Variants in ANK3 observed in about 807,000 individuals in gnomAD.
The protein encoded by ANK3 is ankyrin-3.
Under a neutral mutation model 370.9 loss-of-function variants are expected in ANK3, and 57 were observed. The observed-to-expected ratio is 0.15, with a 90% confidence interval of 0.12 to 0.19. The LOEUF (loss-of-function observed/expected upper bound fraction) is 0.19, where lower values mean the gene tolerates loss of function less well. Ranked by LOEUF, ANK3 falls within the 10% of genes least tolerant of loss-of-function variation. ANK3 has a pLI of 1.00. For missense variants in ANK3, 4,439 were observed against 5,302.1 expected, an observed-to-expected ratio of 0.84 and a Z score of 5.06; for synonymous variants, 1,929 against 1,946.3, an observed-to-expected ratio of 0.99 and a Z score of 0.23.
intron 7 of ANK3, among the ~76,000 whole-genome samples, chr10:60,244,517 G>A (rs1458761877): frequency 6.6e-6 from 1 of 152,142 alleles, no homozygotes; most frequent in African/African-American, 2.4e-5. Context: ...TTGTCACAAA[G>A]TTACTATTAT....
At chr10:60,655,959 C>T (rs903953689) in intron 1 of ANK3, among the ~76,000 whole-genome samples, 2 of 152,182 alleles carry the variant, frequency 1.3e-5, no homozygotes, top group East Asian at 3.8e-4. Flanking sequence ...TTAGGAGCAA[C>T]AGGCTATACC....
In ANK3 at chr10:60,083,481, A is replaced by C. The variant is rs780352079; in HGVS notation, c.4200+11T>G. 4 of 1,606,920 alleles carry C rather than the reference A, an allele frequency of 2.5e-6. No homozygotes were observed. The highest frequency in any genetic ancestry group is 2.7e-5 in the African/African-American group (2 of 74,696). On this transcript the variant is annotated intron_variant, in intron 33 of 43. Coordinates refer to ENST00000280772, the MANE Select transcript of ANK3 (RefSeq NM_020987.5). ...CCATAATTCACAGATTCTCTGTTAA[A>C]GATGATTTACCTTGATGGAAAATGG... is the stretch of plus-strand genomic sequence containing the variant.
intron 2 of ANK3, among the ~76,000 whole-genome samples, chr10:60,418,547 A>G (rs555313865): frequency 6.6e-6 from 1 of 152,314 alleles, no homozygotes; most frequent in African/African-American, 2.4e-5. Context: ...GATAATCTAA[A>G]GAAAATCTAA....
At chr10:60,650,832 C>A (rs76926859) in intron 1 of ANK3, among the ~76,000 whole-genome samples, 1 of 152,098 alleles carries the variant, frequency 6.6e-6, no homozygotes, top group African/African-American at 2.4e-5. Context: ...GCCTGTAATC[C>A]CAGTACTTTG....
chr10:60,429,899 C>G (rs1431067730), intron 2 of ANK3, among the ~76,000 whole-genome samples: 2 of 152,024 alleles, frequency 1.3e-5, no homozygotes, highest in Non-Finnish European at 2.9e-5. Flanking sequence ...AAATACAAAC[C>G]ATTACTTTGA....
At chr10:60,490,829 G>T (rs2075478715) in intron 2 of ANK3, among the ~76,000 whole-genome samples, 1 of 152,158 alleles carries the variant, frequency 6.6e-6, no homozygotes, top group Admixed American at 6.5e-5. Flanking sequence ...TAAGTGTTCA[G>T]GTTAGTCAGT....
chr10:60,099,987 C>G (rs999417977), intron 28 of ANK3, among the ~76,000 whole-genome samples: 2 of 152,088 alleles, frequency 1.3e-5, no homozygotes, highest in African/African-American at 4.8e-5. Flanking sequence ...TTATTTTGAT[C>G]CACTAATGTT....
At chr10:60,312,807 C>CTAA (rs542918857) in intron 1 of ANK3, among the ~76,000 whole-genome samples, 138 of 152,312 alleles carry the variant, frequency 9.1e-4, no homozygotes, top group African/African-American at 3.2e-3. Flanking sequence ...TTAAGCAAAG[C>CTAA]TAAGCCTTCC....
chr10:60,650,161 A>G (rs545892197), intron 1 of ANK3, among the ~76,000 whole-genome samples: 24 of 152,192 alleles, frequency 1.6e-4, no homozygotes, highest in Non-Finnish European at 2.8e-4. Flanking sequence ...ATAATTTGCT[A>G]AACTTATGCT....
intron 1 of ANK3, among the ~76,000 whole-genome samples, chr10:60,642,632 T>TA (rs1193012750): frequency 2.9e-5 from 2 of 68,552 alleles, no homozygotes; most frequent in Admixed American, 1.5e-4. Flanking sequence ...AGGACTGTTG[T>TA]GGGGTGGGGG....
chr10:60,171,713 T>C (rs2095799022), intron 21 of ANK3, among the ~76,000 whole-genome samples: 1 of 152,172 alleles, frequency 6.6e-6, no homozygotes, highest in South Asian at 2.1e-4. Flanking sequence ...CTTGTAAAAA[T>C]GTAGTTGATG....
intron 2 of ANK3, among the ~76,000 whole-genome samples, chr10:60,433,892 G>A (rs2064093950): frequency 6.6e-6 from 1 of 152,166 alleles, no homozygotes; most frequent in Admixed American, 6.5e-5. Context: ...GATATGCATG[G>A]CCTGCAGAAT....
intron 2 of ANK3, among the ~76,000 whole-genome samples, chr10:60,426,367 A>G (rs115350529): frequency 0.034 from 5,147 of 152,184 alleles, 297 homozygotes; most frequent in African/African-American, 0.12. Context: ...TTGCGATACT[A>G]CTGTCTTCTA....
intron 1 of ANK3, among the ~76,000 whole-genome samples, chr10:60,349,839 G>A (rs1226582500): frequency 6.6e-6 from 1 of 152,144 alleles, no homozygotes. Flanking sequence ...CTCTGGACAA[G>A]TCATAATTTT....
intron 2 of ANK3, among the ~76,000 whole-genome samples, chr10:60,575,028 A>G (rs2077666022): frequency 6.6e-6 from 1 of 152,218 alleles, no homozygotes; most frequent in South Asian, 2.1e-4. Context: ...TTACATAAAA[A>G]TTTACAAGTT....
chr10:60,251,195 TG>T (rs1326141970), intron 7 of ANK3, among the ~76,000 whole-genome samples: 2 of 152,210 alleles, frequency 1.3e-5, no homozygotes, highest in African/African-American at 4.8e-5. Flanking sequence ...AATTTTGTGT[TG>T]TTTTTTCCAC....
intron 2 of ANK3, among the ~76,000 whole-genome samples, chr10:60,526,416 C>T (rs1361769294): frequency 2.0e-5 from 3 of 152,108 alleles, no homozygotes; most frequent in African/African-American, 7.2e-5. Flanking sequence ...TAATACTCTG[C>T]TTCTATACAT....
In ANK3 at chr10:60,086,732, G is replaced by A. The variant is rs746507480; in HGVS notation, c.3693C>T (p.Ser1231=). The change falls in exon 30 of 44, where the codon TCC becomes TCT. Residue 1231 remains serine, a synonymous_variant. Transcript: ENST00000280772. ...GTGTAGTGTCCCCTTTGTATCCATT[G>A]GATACACCTTCTCCTGAGGGCGGGG... ...PVPPPSGEGV[S]NGYKGDTTPN... is the part of the protein sequence containing the mutation. 6.2e-7 allele frequency: 1 copy of A among 1,613,826 alleles called. No homozygotes were observed. The highest frequency in any genetic ancestry group is 1.1e-5 in the South Asian group (1 of 91,054).
At chr10:60,153,720 C>T (rs2132256704) in intron 23 of ANK3, among the ~76,000 whole-genome samples, 1 of 152,244 alleles carries the variant, frequency 6.6e-6, no homozygotes. Context: ...AATAAAGGCC[C>T]TTGTCCCAGT....
Sources: allele counts gnomAD v4.1 joint callset (sites outside exome capture counted in the v4.1 genomes callset), GRCh38; gene constraint gnomAD v4.1.1; transcripts MANE v1.5; gene names NCBI Gene and HGNC (gene_info 2026-07-23, HGNC 2026-07-21).